The following MYO16 variants were observed in gnomAD, a reference collection of about 807,000 sequenced individuals.
MYO16 encodes the protein myosin XVI, also known as unconventional myosin-XVI.
A neutral mutation model predicts 205.3 loss-of-function variants in MYO16; 94 were observed. The observed-to-expected ratio is 0.46, with a 90% CI of 0.39 to 0.54. MYO16 has a LOEUF of 0.54. Ranked by LOEUF, MYO16 falls within the 20% of genes least tolerant of loss-of-function variation. MYO16 has a pLI of 0.00. For synonymous variants in MYO16, 988 were observed against 954.0 expected (o/e 1.04, Z -0.66); for missense variants, 2,315 against 2,387.5 (o/e 0.97, Z 0.63).
intron 16 of MYO16, among the ~76,000 whole-genome samples, chr13:108,914,316 G>T (rs4773005): frequency 0.21 from 32,113 of 151,314 alleles, 4,068 homozygotes; most frequent in East Asian, 0.67. Context: ...CTTGTCTGAT[G>T]TTTTTCAAAA....
At chr13:109,031,161 G>A (rs566146515) in intron 23 of MYO16, among the ~76,000 whole-genome samples, 2 of 152,092 alleles carry the variant, frequency 1.3e-5, no homozygotes, top group South Asian at 2.1e-4. Context: ...GCGCGATCTC[G>A]GCTCACTGAA....
chr13:108,837,932 T>A (rs1387175659), intron 9 of MYO16, among the ~76,000 whole-genome samples: 1 of 152,170 alleles, frequency 6.6e-6, no homozygotes, highest in African/African-American at 2.4e-5. Flanking sequence ...CTTTTATTAA[T>A]CACCCTAGAC....
chr13:109,137,969 G>T (rs1056803988), intron 31 of MYO16, among the ~76,000 whole-genome samples: 3 of 152,130 alleles, frequency 2.0e-5, no homozygotes, highest in Non-Finnish European at 2.9e-5. Flanking sequence ...TCACTCATTT[G>T]GTGTATTTCC....
At chr13:108,835,214 A>T (rs776275871) in intron 9 of MYO16, among the ~76,000 whole-genome samples, 4 of 152,168 alleles carry the variant, frequency 2.6e-5, no homozygotes, top group Non-Finnish European at 5.9e-5. Context: ...GAGGTAATTG[A>T]ATCATGAGGA....
chr13:108,919,707 C>T (rs539816377), intron 16 of MYO16, among the ~76,000 whole-genome samples: 22 of 152,338 alleles, frequency 1.4e-4, no homozygotes, highest in African/African-American at 4.6e-4. Flanking sequence ...CACAAACATT[C>T]TCAGGGTTGT....
At chr13:108,626,392 C>T (rs1019953731), upstream of MYO16, among the ~76,000 whole-genome samples, 42 of 152,126 alleles carry the variant, frequency 2.8e-4, no homozygotes, top group African/African-American at 8.2e-4. Flanking sequence ...CTCTTTCGAA[C>T]GCATGGATTT....
At chr13:109,149,780 AC>A (rs1877551180) in intron 32 of MYO16, among the ~76,000 whole-genome samples, 2 of 152,132 alleles carry the variant, frequency 1.3e-5, no homozygotes, top group African/African-American at 4.8e-5. Context: ...GCCATAAAAT[AC>A]CTTCTGCAGT....
At chr13:109,062,225 T>C (rs1283378611) in intron 27 of MYO16, among the ~76,000 whole-genome samples, 1 of 152,232 alleles carries the variant, frequency 6.6e-6, no homozygotes, top group Non-Finnish European at 1.5e-5. Flanking sequence ...AAATTGAGTA[T>C]AATTTTTATA....
At chr13:109,203,050 G>GAT (rs1880459005) in intron 34 of MYO16, among the ~76,000 whole-genome samples, 1 of 152,168 alleles carries the variant, frequency 6.6e-6, no homozygotes, top group Non-Finnish European at 1.5e-5. Flanking sequence ...ATCAACTCCA[G>GAT]ATAGATCAAG....
At chr13:108,912,068 TGGAGAGAGGAG>T (rs1220982140) in intron 16 of MYO16, among the ~76,000 whole-genome samples, 1 of 152,074 alleles carries the variant, frequency 6.6e-6, no homozygotes, top group Middle Eastern at 3.2e-3. Context: ...AGCAGGGTAC[TGGAGAGAGGAG>T]GGACTTTCCA....
intron 34 of MYO16, among the ~76,000 whole-genome samples, chr13:109,190,806 C>T (rs934222709): frequency 6.6e-6 from 1 of 152,096 alleles, no homozygotes; most frequent in Non-Finnish European, 1.5e-5. Flanking sequence ...GAATAATATG[C>T]AAGGTTTGTA....
At chr13:109,086,571 A>T (rs772536229) in intron 27 of MYO16, among the ~76,000 whole-genome samples, 3 of 152,194 alleles carry the variant, frequency 2.0e-5, no homozygotes, top group Non-Finnish European at 2.9e-5. Context: ...CCTATCAGTG[A>T]ATGATAATAT....
chr13:108,831,581 C>G (rs1390170708), intron 9 of MYO16, among the ~76,000 whole-genome samples: 1 of 152,044 alleles, frequency 6.6e-6, no homozygotes, highest in African/African-American at 2.4e-5. Flanking sequence ...GGCACAATCT[C>G]AGCTCACTGC....
At chr13:108,997,230 G>A (rs979175402) in intron 21 of MYO16, among the ~76,000 whole-genome samples, 1 of 151,720 alleles carries the variant, frequency 6.6e-6, no homozygotes, top group African/African-American at 2.4e-5. Flanking sequence ...GGTTGAGGCT[G>A]CTGCAGTGAG....
chr13:108,641,406 G>A lies in MYO16; in HGVS notation c.28+11534G>A, dbSNP rs74117296. On this transcript the variant is annotated intron_variant, in intron 1 of 34. Transcript: ENST00000457511. ...ACAGGAAAGGCAGGCACAAATTAAC[G>A]AATGCTTTTGTGGAAATCAATTGGC... 2.1e-3 allele frequency among the ~76,000 whole-genome samples: 314 copies of A among 152,244 alleles called. 1 individual carries two copies. Among genetic ancestry groups the A allele is most frequent in the African/African-American group, 7.3e-3 (305 of 41,540 alleles).
At chr13:109,102,750 A>G (rs1889012163) in intron 28 of MYO16, among the ~76,000 whole-genome samples, 1 of 152,086 alleles carries the variant, frequency 6.6e-6, no homozygotes, top group East Asian at 1.9e-4. Context: ...TTTCTTCTAT[A>G]TTGGTGCTTT....
chr13:109,148,486 T>C (rs559043279), intron 32 of MYO16, among the ~76,000 whole-genome samples: 91 of 152,304 alleles, frequency 6.0e-4, no homozygotes, highest in African/African-American at 2.0e-3. Context: ...GATAAACAAA[T>C]CTGGCATTGC....
intron 9 of MYO16, among the ~76,000 whole-genome samples, chr13:108,830,767 AC>A (rs1001529529): frequency 2.0e-5 from 3 of 152,156 alleles, no homozygotes; most frequent in African/African-American, 7.2e-5. Context: ...TAATAATAAA[AC>A]GTCAGATATT....
chr13:108,975,227 T>C (rs1884209332), intron 20 of MYO16, among the ~76,000 whole-genome samples: 1 of 151,980 alleles, frequency 6.6e-6, no homozygotes, highest in African/African-American at 2.4e-5. Flanking sequence ...ATTGCGGTCT[T>C]CAGGGTTCAC....
Sources: gnomAD v4.1 joint callset for allele counts (sites outside exome capture counted in the v4.1 genomes callset) on GRCh38, gnomAD v4.1.1 for gene constraint, MANE v1.5 for transcripts, NCBI Gene and HGNC (gene_info 2026-07-23, HGNC 2026-07-21) for gene names.